FGFR2: variants seen among roughly 807,000 people sequenced by gnomAD.
FGFR2 encodes the protein BEK fibroblast growth factor receptor.
In FGFR2, 19 loss-of-function variants were observed where a neutral mutation model predicts 95.9. The observed-to-expected ratio is 0.20, with a 90% confidence interval of 0.14 to 0.29. The LOEUF (loss-of-function observed/expected upper bound fraction) is 0.29, where lower values mean the gene tolerates loss of function less well. Among genes scored for constraint, FGFR2 ranks in the 10% least tolerant of loss-of-function variants. The pLI is 1.00. For synonymous variants in FGFR2, 392 were observed against 393.3 expected (o/e 1.00, Z 0.04); for missense variants, 707 against 1,056.9 (o/e 0.67, Z 4.59).
At chr10:121,565,348 A>G (rs2135105061) in intron 3 of FGFR2, 90 bp downstream of exon 3, 1 of 1,543,738 alleles carries the variant, frequency 6.5e-7, no homozygotes, top group Non-Finnish European at 8.9e-7. Flanking sequence ...GCATCCAATT[A>G]CAATTAGAGA....
At chr10:121,506,357 CAAA>C (rs10678814) in intron 9 of FGFR2, among the ~76,000 whole-genome samples, 1 of 101,168 alleles carries the variant, frequency 9.9e-6, no homozygotes, top group Non-Finnish European at 1.8e-5. Flanking sequence ...GACTCCGTCT[CAAA>C]AAAAAAAAAA....
chr10:121,541,456 G>GT (rs960633800), intron 5 of FGFR2, among the ~76,000 whole-genome samples: 1 of 151,740 alleles, frequency 6.6e-6, no homozygotes, highest in Non-Finnish European at 1.5e-5. Context: ...AAGTTTGGGG[G>GT]TTTTTTTTCA....
At chr10:121,526,902 G>C (rs916370673) in intron 6 of FGFR2, 1 of 396,256 alleles carries the variant, frequency 2.5e-6, no homozygotes, top group African/African-American at 2.1e-5. Flanking sequence ...AGAATCGGCT[G>C]GGGCTCCCAC....
At chr10:121,487,206 T>C in intron 15 of FGFR2, 148 bp downstream of exon 15, 4 of 744,596 alleles carry the variant, frequency 5.4e-6, no homozygotes, top group Non-Finnish European at 7.2e-6. Flanking sequence ...CAGCCTACCA[T>C]AAAATCTGTC....
intron 12 of FGFR2, 145 bp from the exon 13 acceptor site, chr10:121,496,867 A>G: frequency 1.4e-6 from 1 of 722,872 alleles, no homozygotes; most frequent in South Asian, 1.8e-5. Context: ...GTGGTGCCTC[A>G]TATCTGTAAT....
chr10:121,499,928 G>A (rs1847375261), intron 11 of FGFR2, among the ~76,000 whole-genome samples: 1 of 152,186 alleles, frequency 6.6e-6, no homozygotes, highest in South Asian at 2.1e-4. Context: ...TTCCCCTTGG[G>A]AGGGATGTGA....
intron 2 of FGFR2, among the ~76,000 whole-genome samples, chr10:121,582,135 T>C (rs1034173580): frequency 3.9e-5 from 6 of 152,056 alleles, no homozygotes; most frequent in Non-Finnish European, 8.8e-5. Flanking sequence ...TTTCACCATG[T>C]TGGCCAGGCT....
intron 9 of FGFR2, among the ~76,000 whole-genome samples, chr10:121,512,384 A>G (rs1248603919): frequency 6.6e-6 from 1 of 152,208 alleles, no homozygotes; most frequent in Non-Finnish European, 1.5e-5. Context: ...TTGGACATGT[A>G]GAAGGAGCTG....
intron 2 of FGFR2, among the ~76,000 whole-genome samples, chr10:121,580,054 T>A (rs1289950261): frequency 6.6e-6 from 1 of 152,182 alleles, no homozygotes; most frequent in African/African-American, 2.4e-5. Context: ...AAAGGTCAGA[T>A]AGATGTCCAG....
intron 10 of FGFR2, among the ~76,000 whole-genome samples, chr10:121,502,054 G>C (rs1243305802): frequency 6.6e-6 from 1 of 152,124 alleles, no homozygotes; most frequent in Non-Finnish European, 1.5e-5. Flanking sequence ...CCACACTCAG[G>C]GTACCCCGGG....
At chr10:121,505,370 G>A (rs1409315596) in intron 9 of FGFR2, among the ~76,000 whole-genome samples, 3 of 152,150 alleles carry the variant, frequency 2.0e-5, no homozygotes, top group Admixed American at 6.5e-5. Context: ...CTTTTAAAAC[G>A]TACATGAGCA....
At chr10:121,509,458 G>C (rs1181519948) in intron 9 of FGFR2, among the ~76,000 whole-genome samples, 1 of 121,950 alleles carries the variant, frequency 8.2e-6, no homozygotes, top group Non-Finnish European at 1.8e-5. Context: ...GGGCCACCAA[G>C]AAACAGTGTT....
Position 121,564,554 on chromosome 10 carries a change from CTCA to C in FGFR2, c.399_401del (p.Asp133del). 1 of 1,613,952 alleles carries C rather than the reference CTCA, an allele frequency of 6.2e-7. No individual in the cohort carries two copies. The highest frequency in any genetic ancestry group is 1.1e-5 in the South Asian group (1 of 91,052). On this transcript the variant is annotated inframe_deletion, in exon 4 of 18. Transcript: ENST00000358487. ...AATCTTCCGCACCATCGGTGTCATC[CTCA>C]TCATCTCCGGATGAGATGGCATCTG...
intron 1 of FGFR2, among the ~76,000 whole-genome samples, chr10:121,595,526 G>T (rs999019914): frequency 2.0e-5 from 3 of 152,180 alleles, no homozygotes; most frequent in Admixed American, 6.5e-5. Flanking sequence ...GTGTGCATGT[G>T]CTTTCAGATA....
intron 9 of FGFR2, among the ~76,000 whole-genome samples, chr10:121,508,400 T>C (rs1246539126): frequency 1.3e-5 from 2 of 152,128 alleles, no homozygotes; most frequent in Admixed American, 6.5e-5. Context: ...ATGACAAATA[T>C]GGCTTAGGGG....
chr10:121,496,818 T>TC lies in FGFR2; in HGVS notation c.1673-97_1673-96insG, dbSNP rs1846895402. The TC allele has an allele frequency of 3.7e-6, 4 of 1,079,878 alleles. No homozygotes were observed. The Admixed American group carries it at 8.6e-5, about 23-fold the overall frequency. 66.9% of individuals were successfully genotyped at this position (1,079,878 alleles called of 1,614,324 possible). A position where few individuals can be genotyped will look rare whatever the true frequency, so the allele number is the denominator to read the frequency against. On this transcript the variant is annotated intron_variant, in intron 12 of 17. Transcript: ENST00000358487. Reference sequence around the variant, plus strand: ...TTTTTAGTTATTACAACCCATGCTTTTTTTTTTTTTTTTAAAGTTTAACAT... The same window carrying TC: ...TTTTTAGTTATTACAACCCATGCTTTCTTTTTTTTTTTTTAAAGTTTAACAT...
chr10:121,572,239 G>T (rs1195966051), intron 2 of FGFR2, among the ~76,000 whole-genome samples: 5 of 151,428 alleles, frequency 3.3e-5, no homozygotes. Flanking sequence ...TAGGAAGATC[G>T]CTTGAGCCCC....
chr10:121,482,204 G>A (rs778037648), intron 17 of FGFR2: 3 of 1,609,870 alleles, frequency 1.9e-6, no homozygotes, highest in East Asian at 2.2e-5. Context: ...AGGGATATCA[G>A]TAGATTCCAA....
Position 121,593,756 on chromosome 10 carries a change from G to C in FGFR2, c.62C>G (p.Ala21Gly). ...VVVTMATLSL[A>G]RPSFSLVEDT... ...CTCAACTAAACTGAAGGAGGGCCGG[G>C]CCAGGGACAAGGTTGCCATGGTGAC... Residue 21 changes from alanine (A) to glycine (G), a missense_variant, in exon 2 of 18, where the codon GCC becomes GGC. Around this residue, in one of 7 missense-constraint regions of FGFR2, gnomAD observed 178 missense variants for 194.1 expected, o/e 0.92. Coordinates refer to ENST00000358487, the MANE Select transcript of FGFR2 (RefSeq NM_000141.5). The C allele has an allele frequency of 6.2e-7, 1 of 1,614,204 alleles. No homozygotes were observed. The highest frequency in any genetic ancestry group is 2.2e-5 in the East Asian group (1 of 44,888).
Sources: gnomAD v4.1 joint callset for allele counts (sites outside exome capture counted in the v4.1 genomes callset) on GRCh38, gnomAD v4.1.1 for gene constraint, gnomAD v4.1.1 regional missense constraint, MANE v1.5 for transcripts, NCBI Gene and HGNC (gene_info 2026-07-23, HGNC 2026-07-21) for gene names.